Variants in ARID1A observed in about 807,000 individuals in gnomAD.
The protein encoded by ARID1A is AT-rich interaction domain 1A.
ARID1A carries 20 observed loss-of-function variants against 212.6 expected under a neutral mutation model. The observed-to-expected ratio is 0.09, with a 90% CI of 0.07 to 0.14. The LOEUF is 0.14. Among genes scored for constraint, ARID1A ranks in the 10% least tolerant of loss-of-function variants. The pLI, the probability that ARID1A is intolerant of heterozygous loss-of-function variation, is 1.00. For synonymous variants in ARID1A, 1,376 were observed against 1,222.1 expected (o/e 1.13, Z -2.63); for missense variants, 2,587 against 3,059.0 (o/e 0.85, Z 3.64).
At chr1:26,715,851 A>AC (rs947727935) in intron 1 of ARID1A, among the ~76,000 whole-genome samples, 3 of 151,964 alleles carry the variant, frequency 2.0e-5, no homozygotes, top group South Asian at 2.1e-4. Context: ...AAAAAAAAAA[A>AC]CATAAAATAG....
At chr1:26,761,551 C>T in intron 6 of ARID1A, 78 bp downstream of exon 6, 3 of 1,401,150 alleles carry the variant, frequency 2.1e-6, no homozygotes, top group Non-Finnish European at 3.0e-6. Flanking sequence ...TTTTGGAGAG[C>T]TGTTTGACCA....
intron 4 of ARID1A, among the ~76,000 whole-genome samples, chr1:26,738,029 CTT>C (rs71007891): frequency 3.5e-5 from 5 of 144,754 alleles, no homozygotes; most frequent in African/African-American, 5.1e-5. Flanking sequence ...ATAGTAAACT[CTT>C]TTTTTTTTTT....
chr1:26,707,835 A>C (rs901161837), intron 1 of ARID1A, among the ~76,000 whole-genome samples: 2 of 152,216 alleles, frequency 1.3e-5, no homozygotes, highest in Non-Finnish European at 1.5e-5. Context: ...TAGGGAAAAT[A>C]GCTGGTAAAA....
chr1:26,697,776 C>G (rs1051843701), intron 1 of ARID1A, among the ~76,000 whole-genome samples: 1 of 151,518 alleles, frequency 6.6e-6, no homozygotes, highest in East Asian at 1.9e-4. Context: ...TTTTCCTCTC[C>G]CCTGGTCCCT....
chr1:26,772,457 T>G, intron 12 of ARID1A, 43 bp from the exon 13 acceptor site: 1 of 1,613,528 alleles, frequency 6.2e-7, no homozygotes, highest in Non-Finnish European at 8.5e-7. Context: ...AGTTAAACAC[T>G]GTCATGCCAA....
At chr1:26,762,830 T>TGAAAA in intron 7 of ARID1A, 143 bp from the exon 8 acceptor site, 1 of 876,196 alleles carries the variant, frequency 1.1e-6, no homozygotes, top group Non-Finnish European at 1.7e-6. Context: ...CCCCCCTTTT[T>TGAAAA]CTCATGGCGA....
rs774076063 is a variant in ARID1A at position 26,766,524 on chromosome 1, C to A, written c.2946C>A (p.Asn982Lys). 1 of 1,613,812 alleles carries A rather than the reference C, an allele frequency of 6.2e-7. No individual in the cohort carries two copies. Among genetic ancestry groups the A allele is most frequent in the Non-Finnish European group, 8.5e-7 (1 of 1,179,880 alleles). ...DVKLTPATKM[N>K]NKADGTPKTE... ...AGTTAACTCCAGCCACCAAAATGAA[C>A]AACAAGGCAGATGGGACACCCAAGA... Residue 982 changes from asparagine (N) to lysine (K), a missense_variant, in exon 10 of 20, where the codon AAC becomes AAA. By Grantham distance (94) the Asn-to-Lys change is moderately conservative. This residue lies in a region of ARID1A where 674 missense variants were observed against 813.4 expected (regional missense o/e 0.83). Transcript: ENST00000324856.
chr1:26,731,127 A>C (rs749275204), intron 2 of ARID1A, 25 bp from the exon 3 acceptor site: 55 of 1,599,252 alleles, frequency 3.4e-5, no homozygotes, highest in Non-Finnish European at 4.5e-5. Context: ...AGTCAGTGCT[A>C]AAAGTATATT....
chr1:26,730,783 AT>A (rs1461327470), intron 2 of ARID1A, among the ~76,000 whole-genome samples: 1 of 152,202 alleles, frequency 6.6e-6, no homozygotes, highest in African/African-American at 2.4e-5. Context: ...CCAGGCTGCT[AT>A]TGACTATTCA....
At chr1:26,723,598 G>C (rs1386908665) in intron 1 of ARID1A, among the ~76,000 whole-genome samples, 1 of 152,182 alleles carries the variant, frequency 6.6e-6, no homozygotes, top group Non-Finnish European at 1.5e-5. Context: ...GAGATTACGA[G>C]CACTAACCTT....
Position 26,696,525 on chromosome 1 carries a change from C to T in ARID1A, c.122C>T (p.Ala41Val), listed in dbSNP as rs1295137307. 1.5e-5 allele frequency: 19 copies of T among 1,226,532 alleles called. No individual in the cohort carries two copies. In the East Asian group the frequency reaches 3.3e-4, roughly 21 times the overall value. The allele number at this position is 1,226,532 out of a possible 1,614,324, so 76.0% of individuals were successfully genotyped here. A position where few individuals can be genotyped will look rare whatever the true frequency, so the allele number is the denominator to read the frequency against. ...GAGGAGGCGGGGGGCGAGGCGGCGGCGGCGGCAGCGGCCGAGCGCGGGGAA... is the reference window on the plus strand; with the variant it reads ...GAGGAGGCGGGGGGCGAGGCGGCGGTGGCGGCAGCGGCCGAGCGCGGGGAA... ...QREEAGGEAA[A>V]AAAAERGEMK... The change falls in exon 1 of 20, where the codon GCG becomes GTG. Residue 41 changes from alanine to valine, a missense_variant. By Grantham distance (64) the Ala-to-Val change is moderately conservative. Around this residue, in one of 11 missense-constraint regions of ARID1A, gnomAD observed 735 missense variants for 590.6 expected, o/e 1.24. Coordinates refer to ENST00000324856, the MANE Select transcript of ARID1A (RefSeq NM_006015.6).
chr1:26,701,703 G>A (rs948203825), intron 1 of ARID1A, among the ~76,000 whole-genome samples: 1 of 152,174 alleles, frequency 6.6e-6, no homozygotes, highest in East Asian at 1.9e-4. Context: ...TAAATCAGGG[G>A]TCTTGAGACC....
At position 26,781,521 on chromosome 1, in the gene ARID1A, T is replaced by C. The variant is rs1295704549; in HGVS notation, c.*765T>C. 1 of 233,490 alleles carries C rather than the reference T, an allele frequency of 4.3e-6. No individual in the cohort carries two copies. The highest frequency in any genetic ancestry group is 2.2e-5 in the African/African-American group (1 of 45,356). 14.5% of individuals were successfully genotyped at this position (233,490 alleles called of 1,614,324 possible). On this transcript the variant is annotated 3_prime_UTR_variant, in exon 20 of 20. Coordinates refer to ENST00000324856, the MANE Select transcript of ARID1A (RefSeq NM_006015.6). The stretch of plus-strand genomic sequence containing the variant: ...GTGAACCTACAACACCCTGACCTCT[T>C]TCTCTCCTCCTTGATTGTATGAATA...
chr1:26,770,924 C>T (rs2081078189), intron 11 of ARID1A, 195 bp from the exon 12 acceptor site: 1 of 596,392 alleles, frequency 1.7e-6, no homozygotes, highest in African/African-American at 1.9e-5. Context: ...GTGGAACATC[C>T]TGAGGGTAAA....
chr1:26,759,410 G>A (rs377100756), intron 4 of ARID1A, among the ~76,000 whole-genome samples: 4 of 151,948 alleles, frequency 2.6e-5, no homozygotes, highest in Non-Finnish European at 4.4e-5. Context: ...TTTTTGCCAC[G>A]TTGCCCAGGC....
intron 7 of ARID1A, 146 bp downstream of exon 7, chr1:26,762,465 C>A: frequency 1.2e-6 from 1 of 862,478 alleles, no homozygotes; most frequent in Non-Finnish European, 1.7e-6. Flanking sequence ...TGAAGTAGGG[C>A]AAGGCAAGAT....
chr1:26,746,819 C>G (rs1453191757), intron 4 of ARID1A, among the ~76,000 whole-genome samples: 1 of 152,168 alleles, frequency 6.6e-6, no homozygotes, highest in African/African-American at 2.4e-5. Context: ...GGCAAATCAC[C>G]TGAGGTCAGG....
chr1:26,731,887 A>T (rs2080682251), intron 3 of ARID1A, among the ~76,000 whole-genome samples: 1 of 151,944 alleles, frequency 6.6e-6, no homozygotes, highest in South Asian at 2.1e-4. Flanking sequence ...TTTTTATTTT[A>T]TTTTATTTTA....
At position 26,714,627 on chromosome 1, in the gene ARID1A, G is replaced by T. The variant is rs375794920; in HGVS notation, c.1138-15024G>T. On this transcript the variant is annotated intron_variant, in intron 1 of 19. Coordinates refer to ENST00000324856, the MANE Select transcript of ARID1A (RefSeq NM_006015.6). The stretch of plus-strand genomic sequence containing the variant: ...AGATGGGGTTTCACTATGTCAGCCA[G>T]GCTGGTCTCGAACTCCTGACCTCAT... 1.1e-4 allele frequency among the ~76,000 whole-genome samples: 17 copies of T among 152,228 alleles called. No homozygotes were observed. The East Asian group carries it at 3.3e-3, about 29-fold the overall frequency.
Sources: gnomAD v4.1 joint callset for allele counts (sites outside exome capture counted in the v4.1 genomes callset) on GRCh38, gnomAD v4.1.1 for gene constraint, gnomAD v4.1.1 regional missense constraint, MANE v1.5 for transcripts, NCBI Gene and HGNC (gene_info 2026-07-23, HGNC 2026-07-21) for gene names.